ABCE1: variants seen among roughly 807,000 people sequenced by gnomAD.
The protein encoded by ABCE1 is ATP-binding cassette sub-family E member 1.
In ABCE1, 22 loss-of-function variants were observed where a neutral mutation model predicts 83.4. That is an observed-to-expected ratio of 0.26 (90% CI 0.19 to 0.38). ABCE1 has a LOEUF of 0.38. Among genes scored for constraint, ABCE1 ranks in the 10% least tolerant of loss-of-function variants. The pLI, the probability that ABCE1 is intolerant of heterozygous loss-of-function variation, is 1.00. For missense variants in ABCE1, 330 were observed against 721.9 expected, an observed-to-expected ratio of 0.46 and a Z score of 6.22; for synonymous variants, 204 against 233.7, an observed-to-expected ratio of 0.87 and a Z score of 1.16.
intron 1 of ABCE1, among the ~76,000 whole-genome samples, chr4:145,101,145 A>G (rs760526571): frequency 3.4e-4 from 52 of 152,328 alleles, no homozygotes; most frequent in Non-Finnish European, 5.4e-4. Context: ...AAGAAGGATG[A>G]AGAGGCAGTT....
In ABCE1 at chr4:145,112,285, T is replaced by C; in HGVS notation, c.757T>C (p.Leu253=). ...TAGTTACCTAGATGTCAAGCAGCGT[T>C]TAAAGGCTGCTATTACTATACGATC... ...PSSYLDVKQR[L]KAAITIRSLI... Residue 253 remains leucine (L), a synonymous_variant, in exon 9 of 18, where the codon TTA becomes CTA. Transcript: ENST00000296577. 1 of 1,598,688 alleles carries C rather than the reference T, an allele frequency of 6.3e-7. No homozygotes were observed. Among genetic ancestry groups the C allele is most frequent in the Non-Finnish European group, 8.5e-7 (1 of 1,174,966 alleles).
rs755704340 is a variant in ABCE1, at chr4:145,119,987, T to C, written c.978T>C (p.Asp326=). The change falls in exon 11 of 18, where the codon GAT becomes GAC. Residue 326 remains aspartate, a synonymous_variant. Transcript: ENST00000296577. ...YVPTENLRFR[D]ASLVFKVAET... Reference sequence around the variant, plus strand: ...CAACAGAAAACTTGAGATTCAGAGATGCATCACTTGTTTTTAAAGTGGCTG... The same window carrying C: ...CAACAGAAAACTTGAGATTCAGAGACGCATCACTTGTTTTTAAAGTGGCTG... The C allele has an allele frequency of 1.2e-5, 19 of 1,612,562 alleles. No individual in the cohort carries two copies. In the Admixed American group the frequency reaches 3.2e-4, roughly 27 times the overall value.
chr4:145,123,223 A>G lies in ABCE1; in HGVS notation c.1383A>G (p.Thr461=). 4.4e-6 allele frequency: 7 copies of G among 1,604,296 alleles called. No homozygotes were observed. The highest frequency in any genetic ancestry group is 5.1e-6 in the Non-Finnish European group (6 of 1,176,236). The change falls in exon 15 of 18, where the codon ACA becomes ACG. Residue 461 remains threonine, a synonymous_variant. Coordinates refer to ENST00000296577, the MANE Select transcript of ABCE1 (RefSeq NM_002940.3). ...TAAACTCCTCCAATTAGGTGCAGACATTATCTGGTGGTGAACTACAGCGAG... is the reference window on the plus strand; with the variant it reads ...TAAACTCCTCCAATTAGGTGCAGACGTTATCTGGTGGTGAACTACAGCGAG... ...IENIIDQEVQ[T]LSGGELQRVA... is the part of the protein sequence containing the mutation.
In ABCE1 at chr4:145,128,572, T is replaced by C. The variant is rs1221266128; in HGVS notation, c.*999T>C. 1 of 152,162 alleles carries C rather than the reference T, an allele frequency of 6.6e-6. No individual in the cohort carries two copies. The highest frequency in any genetic ancestry group is 2.4e-5 in the African/African-American group (1 of 41,444). The allele number at this position is 152,162 out of a possible 1,614,324, so 9.4% of individuals were successfully genotyped here. On this transcript the variant is annotated 3_prime_UTR_variant, in exon 18 of 18. Coordinates refer to ENST00000296577, the MANE Select transcript of ABCE1 (RefSeq NM_002940.3). ...ATATATTCATTTGTGAGTTTGGATATAGAGCACATTATCTAAACCATTTTG... is the reference window on the plus strand; with the variant it reads ...ATATATTCATTTGTGAGTTTGGATACAGAGCACATTATCTAAACCATTTTG...
intron 16 of ABCE1, among the ~76,000 whole-genome samples, chr4:145,124,664 T>A (rs1432877543): frequency 6.6e-6 from 1 of 152,190 alleles, no homozygotes; most frequent in Non-Finnish European, 1.5e-5. Context: ...AATGTGCAAT[T>A]GGAGATTCTG....
rs760806543 is a variant in ABCE1 at position 145,104,948 on chromosome 4, A to G, written c.103+433A>G. On this transcript the variant is annotated intron_variant, in intron 2 of 17. Transcript: ENST00000296577. ...GAATGACTATTCATAAGGTTTAACT[A>G]TATTTTGAAGATTAGATAAATTTCC... Among the ~76,000 whole-genome samples the G allele has an allele frequency of 3.7e-4, 57 of 152,206 alleles. 1 individual carries two copies. Among genetic ancestry groups the G allele is most frequent in the South Asian group, 2.1e-4 (1 of 4,830 alleles).
chr4:145,123,717 T>C lies in ABCE1; in HGVS notation c.1640+117T>C, dbSNP rs894122817. 5.0e-5 allele frequency: 53 copies of C among 1,060,894 alleles called. No individual in the cohort carries two copies. In the African/African-American group the frequency reaches 6.6e-4, roughly 13 times the overall value. 65.7% of individuals were successfully genotyped at this position (1,060,894 alleles called of 1,614,324 possible). On this transcript the variant is annotated intron_variant, in intron 16 of 17. Coordinates refer to ENST00000296577, the MANE Select transcript of ABCE1 (RefSeq NM_002940.3). Reference sequence around the variant, plus strand: ...GCTAGAAATTCTAGACTTGATTCTGTGACTCCTGAGATCATTGGTATTGGG... The same window carrying C: ...GCTAGAAATTCTAGACTTGATTCTGCGACTCCTGAGATCATTGGTATTGGG...
intron 13 of ABCE1, chr4:145,121,688 A>G (rs1352942367): frequency 1.2e-5 from 3 of 253,902 alleles, no homozygotes; most frequent in Admixed American, 5.2e-5. Context: ...CCTGGCTAAC[A>G]TGGTGAAACC....
At chr4:145,107,155 A>G (rs1222535295) in intron 3 of ABCE1, among the ~76,000 whole-genome samples, 4 of 152,030 alleles carry the variant, frequency 2.6e-5, no homozygotes, top group South Asian at 2.1e-4. Context: ...GAATAAGCCT[A>G]TGTGTTTTAT....
rs1232068414 is a variant in ABCE1 at position 145,129,147 on chromosome 4, A to G, written c.*1574A>G. 2 of 152,234 alleles carry G rather than the reference A, an allele frequency of 1.3e-5. No individual in the cohort carries two copies. The highest frequency in any genetic ancestry group is 4.8e-5 in the African/African-American group (2 of 41,458). The allele number at this position is 152,234 out of a possible 1,614,324, so 9.4% of individuals were successfully genotyped here. A position where few individuals can be genotyped will look rare whatever the true frequency, so the allele number is the denominator to read the frequency against. On this transcript the variant is annotated 3_prime_UTR_variant, in exon 18 of 18. Transcript: ENST00000296577. ...GATCATTTCAAATATATTGAATAAAATAAGCAAAAGCTATTGTTATTTACT... is the reference window on the plus strand; with the variant it reads ...GATCATTTCAAATATATTGAATAAAGTAAGCAAAAGCTATTGTTATTTACT...
At chr4:145,109,977 C>T (rs1749421917) in intron 5 of ABCE1, 126 bp from the exon 6 acceptor site, 1 of 821,504 alleles carries the variant, frequency 1.2e-6, no homozygotes, top group African/African-American at 1.8e-5. Context: ...TTATGTTCGC[C>T]TCCAACCTTA....
intron 13 of ABCE1, chr4:145,122,191 A>C (rs937249635): frequency 2.5e-4 from 38 of 152,198 alleles, no homozygotes; most frequent in African/African-American, 8.7e-4. Flanking sequence ...TGTTGTAATG[A>C]ACTCCTCAGT....
intron 9 of ABCE1, 30 bp downstream of exon 9, chr4:145,112,358 T>G (rs1453400928): frequency 7.1e-7 from 1 of 1,415,194 alleles, no homozygotes; most frequent in Admixed American, 2.2e-5. Context: ...ATTACTGTGT[T>G]GTTTTGTTTG....
chr4:145,119,914 C>T lies in ABCE1; in HGVS notation c.923-18C>T, dbSNP rs775448234. 1 of 1,596,230 alleles carries T rather than the reference C, an allele frequency of 6.3e-7. No individual in the cohort carries two copies. Among genetic ancestry groups the T allele is most frequent in the South Asian group, 1.1e-5 (1 of 89,748 alleles). ...GGCTCTAATGATTTCTCCCGGTTGA[C>T]AATTTTCTTCCCAACAGGCATAAAC... On this transcript the variant is annotated intron_variant, in intron 10 of 17. Transcript: ENST00000296577.
chr4:145,120,048 A>T lies in ABCE1; in HGVS notation c.1039A>T (p.Met347Leu), dbSNP rs779446305. 17 of 1,612,436 alleles carry T rather than the reference A, an allele frequency of 1.1e-5. No individual in the cohort carries two copies. Among genetic ancestry groups the T allele is most frequent in the Non-Finnish European group, 1.3e-5 (15 of 1,179,188 alleles). The change falls in exon 11 of 18, where the codon ATG (methionine) becomes TTG (leucine). Residue 347 changes from methionine (M) to leucine (L), a missense_variant. Coordinates refer to ENST00000296577, the MANE Select transcript of ABCE1 (RefSeq NM_002940.3). ...ANEEEVKKMC[M>L]YKYPGMKKKM... ...TGAAGAAGAAGTTAAAAAGATGTGT[A>T]TGTATAAATATCCAGGAATGAAGAA...
intron 1 of ABCE1, among the ~76,000 whole-genome samples, chr4:145,103,298 A>G (rs1553992957): frequency 6.6e-6 from 1 of 152,194 alleles, no homozygotes; most frequent in Non-Finnish European, 1.5e-5. Flanking sequence ...AAAAGACAAC[A>G]TGATCTCTTT....
At position 145,110,397 on chromosome 4, in the gene ABCE1, A is replaced by G. The variant is rs762962860; in HGVS notation, c.566A>G (p.Asp189Gly). 5.0e-6 allele frequency: 8 copies of G among 1,612,400 alleles called. No homozygotes were observed. The Admixed American group carries it at 1.3e-4, about 27-fold the overall frequency. Residue 189 changes from aspartate (D) to glycine (G), a missense_variant, in exon 7 of 18, where the codon GAC (aspartate) becomes GGC (glycine). Asp to Gly is a moderately conservative substitution (Grantham distance 94). Transcript: ENST00000296577. The stretch of plus-strand genomic sequence containing the variant: ...CAGGGGACAGTGGGATCTATTTTGG[A>G]CCGAAAAGATGAAACAAAGACACAG... Reference protein sequence around the residue: ...AAKGTVGSILDRKDETKTQAI... With the variant: ...AAKGTVGSILGRKDETKTQAI...
chr4:145,128,477 A>G lies in ABCE1; in HGVS notation c.*904A>G, dbSNP rs1012851590. 5 of 152,154 alleles carry G rather than the reference A, an allele frequency of 3.3e-5. No individual in the cohort carries two copies. Among genetic ancestry groups the G allele is most frequent in the African/African-American group, 1.2e-4 (5 of 41,448 alleles). 9.4% of individuals were successfully genotyped at this position (152,154 alleles called of 1,614,324 possible). A position where few individuals can be genotyped will look rare whatever the true frequency, so the allele number is the denominator to read the frequency against. ...TCTGTTGGGCAGCCAAGGATTATAAACCACTTCCCTAAAGGCAACATTAAT... is the reference window on the plus strand; with the variant it reads ...TCTGTTGGGCAGCCAAGGATTATAAGCCACTTCCCTAAAGGCAACATTAAT... On this transcript the variant is annotated 3_prime_UTR_variant, in exon 18 of 18. Transcript: ENST00000296577.
At chr4:145,115,883 G>A (rs1749596068) in intron 9 of ABCE1, among the ~76,000 whole-genome samples, 1 of 151,906 alleles carries the variant, frequency 6.6e-6, no homozygotes, top group Non-Finnish European at 1.5e-5. Flanking sequence ...TCACAGAGGT[G>A]CTAAAATGTA....
Sources: gnomAD v4.1 joint callset for allele counts (sites outside exome capture counted in the v4.1 genomes callset) on GRCh38, gnomAD v4.1.1 for gene constraint, MANE v1.5 for transcripts, NCBI Gene and HGNC (gene_info 2026-07-23, HGNC 2026-07-21) for gene names.